The following CUBN variants were observed in gnomAD, a reference collection of about 807,000 sequenced individuals.
CUBN encodes cubilin, also known as 460 kDa receptor.
CUBN carries 282 observed loss-of-function variants against 405.3 expected under a neutral mutation model. The ratio of observed to expected loss-of-function variants is 0.70; its 90% CI spans 0.63 to 0.77. CUBN has a LOEUF of 0.77. Ranked by LOEUF, CUBN falls within the 30% of genes least tolerant of loss-of-function variation. The pLI, the probability that CUBN is intolerant of heterozygous loss-of-function variation, is 0.00. For missense variants in CUBN, 4,514 were observed against 4,475.2 expected (o/e 1.01, Z -0.25); for synonymous variants, 1,684 against 1,617.0 (o/e 1.04, Z -0.99).
chr10:16,942,662 T>C (rs61841450), intron 36 of CUBN, among the ~76,000 whole-genome samples: 9,869 of 152,156 alleles, frequency 0.065, 393 homozygotes, highest in Non-Finnish European at 0.088. Flanking sequence ...TATAAAAAAG[T>C]TTGGTGGTTC....
intron 28 of CUBN, among the ~76,000 whole-genome samples, chr10:16,998,808 A>G (rs1833803463): frequency 6.6e-6 from 1 of 152,230 alleles, no homozygotes; most frequent in South Asian, 2.1e-4. Context: ...TGTTGAGAAA[A>G]CTAGCAGCAA....
chr10:17,024,676 T>G (rs1435867103), intron 27 of CUBN, among the ~76,000 whole-genome samples: 7 of 152,000 alleles, frequency 4.6e-5, no homozygotes. Context: ...GCTACTTTTT[T>G]TGTATTTTTT....
At chr10:16,947,458 A>C in intron 35 of CUBN, 91 bp from the exon 36 acceptor site, 2 of 1,256,668 alleles carry the variant, frequency 1.6e-6, no homozygotes, top group Admixed American at 1.8e-5. Flanking sequence ...AGCCATTATC[A>C]ATGTAAAAGA....
intron 17 of CUBN, among the ~76,000 whole-genome samples, chr10:17,077,604 G>C (rs1360991371): frequency 6.6e-6 from 1 of 152,198 alleles, no homozygotes; most frequent in Non-Finnish European, 1.5e-5. Context: ...CCATCTGAGA[G>C]CTGAAAAGAG....
chr10:17,091,803 AAAC>A (rs1481472833), intron 14 of CUBN, among the ~76,000 whole-genome samples: 3 of 152,228 alleles, frequency 2.0e-5, no homozygotes, highest in Non-Finnish European at 4.4e-5. Flanking sequence ...ACCAGTTTAC[AAAC>A]AACATGACAA....
chr10:16,917,506 A>T (rs1256471178), intron 45 of CUBN, among the ~76,000 whole-genome samples: 2 of 152,326 alleles, frequency 1.3e-5, no homozygotes, highest in East Asian at 3.9e-4. Flanking sequence ...GTCTCTCAAA[A>T]TATCTTGGTG....
intron 14 of CUBN, among the ~76,000 whole-genome samples, chr10:17,093,892 A>C (rs1836318006): frequency 6.6e-6 from 1 of 152,132 alleles, no homozygotes; most frequent in African/African-American, 2.4e-5. Context: ...AAAAGAAGGC[A>C]AGAATATAAA....
intron 60 of CUBN, among the ~76,000 whole-genome samples, chr10:16,848,212 C>T (rs776753717): frequency 7.2e-5 from 11 of 152,202 alleles, no homozygotes; most frequent in Admixed American, 3.3e-4. Context: ...TATCAAATCA[C>T]ACTCCATAAA....
intron 15 of CUBN, among the ~76,000 whole-genome samples, chr10:17,087,511 TG>T (rs1430897538): frequency 1.6e-5 from 2 of 123,672 alleles, no homozygotes; most frequent in African/African-American, 5.9e-5. Flanking sequence ...AGCCTCACTC[TG>T]TCACCCAGGC....
intron 66 of CUBN, among the ~76,000 whole-genome samples, chr10:16,828,118 A>G (rs1838845580): frequency 6.6e-6 from 1 of 152,194 alleles, no homozygotes; most frequent in South Asian, 2.1e-4. Context: ...ATGCAGAAAT[A>G]AACATGGGTA....
chr10:17,028,279 C>T (rs1388923118), intron 27 of CUBN, among the ~76,000 whole-genome samples: 1 of 151,038 alleles, frequency 6.6e-6, no homozygotes, highest in Non-Finnish European at 1.5e-5. Context: ...TTAAAATTCT[C>T]ACCACCTGCT....
At chr10:17,071,770 G>A (rs886618385) in intron 18 of CUBN, 57 bp downstream of exon 18, 1 of 1,567,954 alleles carries the variant, frequency 6.4e-7, no homozygotes, top group African/African-American at 1.4e-5. Context: ...TTATTTTGAA[G>A]AATTAAAATA....
chr10:17,006,681 G>T (rs1194070620), intron 28 of CUBN, among the ~76,000 whole-genome samples: 1 of 152,112 alleles, frequency 6.6e-6, no homozygotes, highest in Admixed American at 6.5e-5. Flanking sequence ...AAAGCCCTTT[G>T]GTACAGTGCC....
chr10:17,014,763 A>C (rs1341545816), intron 28 of CUBN, among the ~76,000 whole-genome samples: 1 of 152,208 alleles, frequency 6.6e-6, no homozygotes, highest in Non-Finnish European at 1.5e-5. Flanking sequence ...GGACTTGAGA[A>C]GTTACCTAGA....
chr10:16,840,796 G>A, intron 61 of CUBN, 89 bp downstream of exon 61: 1 of 1,197,094 alleles, frequency 8.4e-7, no homozygotes, highest in Non-Finnish European at 1.2e-6. Flanking sequence ...AATTAACATT[G>A]AAATTTCGAT....
In CUBN at chr10:17,128,047, T is replaced by C. The variant is rs532041137; in HGVS notation, c.253-123A>G. The C allele has an allele frequency of 1.0e-4, 67 of 667,912 alleles. No homozygotes were observed. The Middle Eastern group carries it at 2.5e-3, about 25-fold the overall frequency. 41.4% of individuals were successfully genotyped at this position (667,912 alleles called of 1,614,324 possible). On this transcript the variant is annotated intron_variant, in intron 2 of 66. Coordinates refer to ENST00000377833, the MANE Select transcript of CUBN (RefSeq NM_001081.4). ...TTAAGCACTAAGATCTTGCCTATTA[T>C]TATAAAAACCAAAACAACACCATGC...
intron 27 of CUBN, among the ~76,000 whole-genome samples, chr10:17,020,752 T>C (rs994548701): frequency 3.9e-5 from 6 of 152,180 alleles, no homozygotes; most frequent in African/African-American, 1.2e-4. Flanking sequence ...TGTGTAAACC[T>C]TGGTGTAAAA....
At chr10:16,826,701 G>A (rs574980068) in intron 66 of CUBN, among the ~76,000 whole-genome samples, 3 of 152,206 alleles carry the variant, frequency 2.0e-5, no homozygotes, top group South Asian at 4.1e-4. Context: ...TCAACTTAAC[G>A]TGGCATTGGA....
At position 17,068,233 on chromosome 10, in the gene CUBN, C is replaced by T; in HGVS notation, c.2839G>A (p.Gly947Ser). The T allele has an allele frequency of 6.2e-7, 1 of 1,613,648 alleles. No homozygotes were observed. Among genetic ancestry groups the T allele is most frequent in the Non-Finnish European group, 8.5e-7 (1 of 1,179,678 alleles). The stretch of plus-strand genomic sequence containing the variant: ...CCGTGGGGGTAGACATTTGGATGGC[C>T]AGGACTTTGAATGGTCCCTGTTGAT... ...TESTGTIQSP[G>S]HPNVYPHGIN... The change falls in exon 21 of 67, where the codon GGC becomes AGC. Residue 947 changes from glycine (G) to serine (S), a missense_variant. By Grantham distance (56) the Gly-to-Ser change is moderately conservative. Transcript: ENST00000377833.
Sources: gnomAD v4.1 joint callset for allele counts (sites outside exome capture counted in the v4.1 genomes callset) on GRCh38, gnomAD v4.1.1 for gene constraint, MANE v1.5 for transcripts, NCBI Gene and HGNC (gene_info 2026-07-23, HGNC 2026-07-21) for gene names.